COL11A2: variants seen among roughly 807,000 people sequenced by gnomAD.
COL11A2 encodes the protein collagen type XI alpha 2 chain, also known as collagen alpha-2(XI) chain.
In COL11A2, 116 loss-of-function variants were observed where a neutral mutation model predicts 273.4. That is an observed-to-expected ratio of 0.42 (90% CI 0.36 to 0.49). The LOEUF (loss-of-function observed/expected upper bound fraction) is 0.49. Ranked by LOEUF, COL11A2 falls within the 20% of genes least tolerant of loss-of-function variation. The pLI, the probability that COL11A2 is intolerant of heterozygous loss-of-function variation, is 0.00. For synonymous variants in COL11A2, 782 were observed against 864.2 expected (o/e 0.90, Z 1.67); for missense variants, 1,866 against 2,309.0 (o/e 0.81, Z 3.93).
chr6:33,173,584 G>T lies in COL11A2; in HGVS notation c.2629-29C>A. ...GAGACAGAGGTGGGGGGAGTCAGGA[G>T]AATGGGGGCAGGGGCTGAGTGGGGG... On this transcript the variant is annotated intron_variant, in intron 35 of 65. Transcript: ENST00000341947. This position sits in a 1 kb window ranked among gnomAD's most constrained non-coding sequence, Gnocchi z 6.3. 1.3e-6 allele frequency: 1 copy of T among 747,136 alleles called. No individual in the cohort carries two copies. The highest frequency in any genetic ancestry group is 2.2e-6 in the Non-Finnish European group (1 of 461,352). 46.3% of individuals were successfully genotyped at this position (747,136 alleles called of 1,614,324 possible).
At chr6:33,188,629 G>C (rs1396057346) in intron 3 of COL11A2, 105 bp from the exon 4 acceptor site, 2 of 1,308,746 alleles carry the variant, frequency 1.5e-6, no homozygotes, top group Admixed American at 1.7e-5. Flanking sequence ...GGTGATAAGA[G>C]CAGTAATAAC....
In COL11A2 at chr6:33,177,538, C is replaced by T; in HGVS notation, c.1918-73G>A. 2 of 1,589,846 alleles carry T rather than the reference C, an allele frequency of 1.3e-6. No homozygotes were observed. Among genetic ancestry groups the T allele is most frequent in the African/African-American group, 2.7e-5 (2 of 74,490 alleles). On this transcript the variant is annotated intron_variant, in intron 22 of 65. Transcript: ENST00000341947. This position sits in a 1 kb window ranked among gnomAD's most constrained non-coding sequence, Gnocchi z 5.9. ...CACATTTAGAGCATGGAGCTGAGTC[C>T]CAGCAGCGATAGCCAAGAAGGCAAG...
Position 33,179,723 on chromosome 6 carries a change from G to C in COL11A2, c.1442C>G (p.Ala481Gly). The change falls in exon 13 of 66, where the codon GCG (alanine) becomes GGG (glycine). Residue 481 changes from alanine to glycine, a missense_variant. Physicochemically the swap from Ala to Gly is moderately conservative, Grantham distance 60. Transcript: ENST00000341947. This position sits in a 1 kb window ranked among gnomAD's most constrained non-coding sequence, Gnocchi z 6.4. Reference protein sequence around the residue: ...EAQAQAILQQARLALRGPPGP... With the variant: ...EAQAQAILQQGRLALRGPPGP... ...CAGGGAAGCAGCCCCACTCACCCTC[G>C]CCTGCTGCAGGATCGCCTGGGCCTG... 6.2e-7 allele frequency: 1 copy of C among 1,611,732 alleles called. No individual in the cohort carries two copies. The highest frequency in any genetic ancestry group is 8.5e-7 in the Non-Finnish European group (1 of 1,179,948).
Position 33,165,230 on chromosome 6 carries a change from A to C in COL11A2, c.4751-266T>G, listed in dbSNP as rs1562305570. Among the ~76,000 whole-genome samples the C allele has an allele frequency of 6.6e-6, 1 of 152,172 alleles. No homozygotes were observed. Among genetic ancestry groups the C allele is most frequent in the Non-Finnish European group, 1.5e-5 (1 of 68,028 alleles). On this transcript the variant is annotated intron_variant, in intron 63 of 65. Coordinates refer to ENST00000341947, the MANE Select transcript of COL11A2 (RefSeq NM_080680.3). This position sits in a 1 kb window ranked among gnomAD's most constrained non-coding sequence, Gnocchi z 7.7. ...GACTGGAGGAGGTCCGAGTATGGACAGCCTCATACTGGGACAACATGTGGT... is the reference window on the plus strand; with the variant it reads ...GACTGGAGGAGGTCCGAGTATGGACCGCCTCATACTGGGACAACATGTGGT...
Position 33,164,137 on chromosome 6 carries a change from C to T in COL11A2, c.5070+130G>A. 1 of 1,135,992 alleles carries T rather than the reference C, an allele frequency of 8.8e-7. No homozygotes were observed. The highest frequency in any genetic ancestry group is 1.2e-6 in the Non-Finnish European group (1 of 804,002). The allele number at this position is 1,135,992 out of a possible 1,614,324, so 70.4% of individuals were successfully genotyped here. The stretch of plus-strand genomic sequence containing the variant: ...TCACCGGCTTTTGAGCTCCCTCAGG[C>T]ATCCCTGACAATCCAGCAGGACGGA... On this transcript the variant is annotated intron_variant, in intron 65 of 65. Transcript: ENST00000341947. This position sits in a 1 kb window ranked among gnomAD's most constrained non-coding sequence, Gnocchi z 4.7.
At position 33,173,598 on chromosome 6, in the gene COL11A2, G is replaced by A. The variant is rs767629029; in HGVS notation, c.2629-43C>T. 5.9e-6 allele frequency: 6 copies of A among 1,020,400 alleles called. No homozygotes were observed. The highest frequency in any genetic ancestry group is 8.7e-6 in the Non-Finnish European group (6 of 687,382). The allele number at this position is 1,020,400 out of a possible 1,614,324, so 63.2% of individuals were successfully genotyped here. A position where few individuals can be genotyped will look rare whatever the true frequency, so the allele number is the denominator to read the frequency against. Reference sequence around the variant, plus strand: ...GGGAGTCAGGAGAATGGGGGCAGGGGCTGAGTGGGGGAACTCAGCTTCCTT... The same window carrying A: ...GGGAGTCAGGAGAATGGGGGCAGGGACTGAGTGGGGGAACTCAGCTTCCTT... On this transcript the variant is annotated intron_variant, in intron 35 of 65. Transcript: ENST00000341947. The surrounding 1 kb of genome is among the most constrained non-coding windows in gnomAD (Gnocchi z 6.3).
At chr6:33,180,898 G>C in intron 10 of COL11A2, 66 bp downstream of exon 10, 1 of 1,597,398 alleles carries the variant, frequency 6.3e-7, no homozygotes, top group Non-Finnish European at 8.6e-7. Flanking sequence ...TGTGGGGAAG[G>C]CTCAGATGAG....
In COL11A2 at chr6:33,173,505, G is replaced by A. The variant is rs1161525466; in HGVS notation, c.2679C>T (p.Pro893=). Residue 893 remains proline (P), a synonymous_variant, in exon 36 of 66, where the codon CCC becomes CCT. Transcript: ENST00000341947. This position sits in a 1 kb window ranked among gnomAD's most constrained non-coding sequence, Gnocchi z 6.3. ...GPNGFPGPKG[P]PGPPGKDGLP... is the part of the protein sequence containing the mutation. ...TCAGAGCTCGGGGTCAACTTACCGG[G>A]GGTCCTTTCGGTCCAGGAAACCCGT... 3.1e-6 allele frequency: 5 copies of A among 1,611,984 alleles called. No individual in the cohort carries two copies. Among genetic ancestry groups the A allele is most frequent in the Non-Finnish European group, 4.2e-6 (5 of 1,179,510 alleles).
intron 41 of COL11A2, 62 bp from the exon 42 acceptor site, chr6:33,171,882 C>G: frequency 6.3e-7 from 1 of 1,590,448 alleles, no homozygotes; most frequent in Non-Finnish European, 8.6e-7. Flanking sequence ...ACCAGAGAAC[C>G]TCAGACCACA....
Position 33,178,308 on chromosome 6 carries a change from C to T in COL11A2, c.1818G>A (p.Ser606=), listed in dbSNP as rs759121761. The change falls in exon 20 of 66, where the codon TCG becomes TCA. Residue 606 remains serine, a splice_region_variant and synonymous_variant. Transcript: ENST00000341947. This position sits in a 1 kb window ranked among gnomAD's most constrained non-coding sequence, Gnocchi z 4.6. ...CCAGCACCAGCCCTTGGACACTCACCGACTCTCCAGGCAGCCCTCGAGGCC... is the reference window on the plus strand; with the variant it reads ...CCAGCACCAGCCCTTGGACACTCACTGACTCTCCAGGCAGCCCTCGAGGCC... ...EIGPRGLPGE[S]GPRGLLGPKG... The T allele has an allele frequency of 4.6e-5, 74 of 1,612,774 alleles. No individual in the cohort carries two copies. The highest frequency in any genetic ancestry group is 4.5e-4 in the East Asian group (20 of 44,880).
In COL11A2 at chr6:33,163,580, A is replaced by C; in HGVS notation, c.*98T>G. ...TCCACGCCCTGGCCCAGGGCTCCCT[A>C]GATAGTGAGGAGCCCTCTTGGGAGG... On this transcript the variant is annotated 3_prime_UTR_variant, in exon 66 of 66. Coordinates refer to ENST00000341947, the MANE Select transcript of COL11A2 (RefSeq NM_080680.3). This position sits in a 1 kb window ranked among gnomAD's most constrained non-coding sequence, Gnocchi z 4.1. 6.3e-7 allele frequency: 1 copy of C among 1,587,226 alleles called. No homozygotes were observed. The highest frequency in any genetic ancestry group is 8.6e-7 in the Non-Finnish European group (1 of 1,157,274).
intron 4 of COL11A2, among the ~76,000 whole-genome samples, chr6:33,187,281 T>A: frequency 6.6e-6 from 1 of 152,040 alleles, no homozygotes; most frequent in East Asian, 1.9e-4. Flanking sequence ...AGAAATGGAG[T>A]GGGGAGAACC....
chr6:33,172,578 G>A lies in COL11A2; in HGVS notation c.2850C>T (p.Pro950=). 1 of 1,612,656 alleles carries A rather than the reference G, an allele frequency of 6.2e-7. No individual in the cohort carries two copies. The highest frequency in any genetic ancestry group is 8.5e-7 in the Non-Finnish European group (1 of 1,179,924). ...GERGHPGPPG[P]PGEQGLPGTA... is the part of the protein sequence containing the mutation. ...TCCCAGGTAGTCCCTGCTCTCCAGG[G>A]GGCCCCGGGGGGCCTGGGTGACCTC... The change falls in exon 39 of 66, where the codon CCC becomes CCT. Residue 950 remains proline, a synonymous_variant. Coordinates refer to ENST00000341947, the MANE Select transcript of COL11A2 (RefSeq NM_080680.3).
At chr6:33,191,812 T>A (rs533541180) in intron 1 of COL11A2, among the ~76,000 whole-genome samples, 2 of 152,216 alleles carry the variant, frequency 1.3e-5, no homozygotes, top group Non-Finnish European at 1.5e-5. Context: ...CCCATCAACA[T>A]TGGCGTCTAC....
In COL11A2 at chr6:33,170,719, T is replaced by C; in HGVS notation, c.3474+91A>G. Reference sequence around the variant, plus strand: ...CCCTCAGACTCCGCAGGCCCTCCAGTCTGCATCGGCAGGCTGCTGGCAGAG... The same window carrying C: ...CCCTCAGACTCCGCAGGCCCTCCAGCCTGCATCGGCAGGCTGCTGGCAGAG... On this transcript the variant is annotated intron_variant, in intron 46 of 65. Coordinates refer to ENST00000341947, the MANE Select transcript of COL11A2 (RefSeq NM_080680.3). This position sits in a 1 kb window ranked among gnomAD's most constrained non-coding sequence, Gnocchi z 4.3. 1 of 1,583,196 alleles carries C rather than the reference T, an allele frequency of 6.3e-7. No homozygotes were observed. Among genetic ancestry groups the C allele is most frequent in the Non-Finnish European group, 8.7e-7 (1 of 1,153,014 alleles).
Position 33,179,568 on chromosome 6 carries a change from C to T in COL11A2, c.1447-81G>A. 1 of 1,457,842 alleles carries T rather than the reference C, an allele frequency of 6.9e-7. No homozygotes were observed. The highest frequency in any genetic ancestry group is 9.4e-7 in the Non-Finnish European group (1 of 1,063,140). 90.3% of individuals were successfully genotyped at this position (1,457,842 alleles called of 1,614,324 possible). A position where few individuals can be genotyped will look rare whatever the true frequency, so the allele number is the denominator to read the frequency against. On this transcript the variant is annotated intron_variant, in intron 13 of 65. Coordinates refer to ENST00000341947, the MANE Select transcript of COL11A2 (RefSeq NM_080680.3). This position sits in a 1 kb window ranked among gnomAD's most constrained non-coding sequence, Gnocchi z 6.4. ...CCAGCACTCTCCAAATTCACCCTTC[C>T]TCTCCTGATCCTCATCCACTGCCCA...
Position 33,166,131 on chromosome 6 carries a change from G to T in COL11A2, c.4428+40C>A, listed in dbSNP as rs1769098708. On this transcript the variant is annotated intron_variant, in intron 61 of 65. Coordinates refer to ENST00000341947, the MANE Select transcript of COL11A2 (RefSeq NM_080680.3). The surrounding 1 kb of genome is among the most constrained non-coding windows in gnomAD (Gnocchi z 4.8). ...CTGGAGAGACATCATCAAGTCCAGA[G>T]GGGGTGGAGCAAAGGTCAGAGCTGA... 6.2e-7 allele frequency: 1 copy of T among 1,607,684 alleles called. No individual in the cohort carries two copies. Among genetic ancestry groups the T allele is most frequent in the Non-Finnish European group, 8.5e-7 (1 of 1,177,366 alleles).
At position 33,176,032 on chromosome 6, in the gene COL11A2, C is replaced by T. The variant is rs2150567279; in HGVS notation, c.2252G>A (p.Gly751Asp). The T allele has an allele frequency of 6.2e-7, 1 of 1,613,002 alleles. No homozygotes were observed. Among genetic ancestry groups the T allele is most frequent in the Non-Finnish European group, 8.5e-7 (1 of 1,180,022 alleles). Residue 751 changes from glycine to aspartate, a missense_variant, in exon 29 of 66, where the codon GGC (glycine) becomes GAC (aspartate). Transcript: ENST00000341947. This position sits in a 1 kb window ranked among gnomAD's most constrained non-coding sequence, Gnocchi z 4.9. Reference protein sequence around the residue: ...DGFPGFKGDIGVKGDRGEVGV... With the variant: ...DGFPGFKGDIDVKGDRGEVGV... ...TCTACTCACCCTGTCACCTTTCACG[C>T]CTATGTCACCTTTGAACCCAGGAAA...
At chr6:33,181,968 C>T (rs1291865215) in intron 8 of COL11A2, among the ~76,000 whole-genome samples, 1 of 152,172 alleles carries the variant, frequency 6.6e-6, no homozygotes, top group Non-Finnish European at 1.5e-5. Context: ...GGGCATGGAC[C>T]CACATGAGAA....
Sources: allele counts gnomAD v4.1 joint callset (sites outside exome capture counted in the v4.1 genomes callset), GRCh38; gene constraint gnomAD v4.1.1; non-coding constraint Gnocchi (gnomAD v3.1); transcripts MANE v1.5; gene names NCBI Gene and HGNC (gene_info 2026-07-23, HGNC 2026-07-21).